IRAG1: variants seen among roughly 807,000 people sequenced by gnomAD.
IRAG1 encodes IP3R-associated cGMP kinase substrate.
In IRAG1, 62 loss-of-function variants were observed where a neutral mutation model predicts 106.2. The observed-to-expected ratio is 0.58, with a 90% CI of 0.48 to 0.72. The LOEUF is 0.72. IRAG1 is among the 30% of genes least tolerant of loss of function. The pLI is 0.00. For synonymous variants in IRAG1, 462 were observed against 443.9 expected (o/e 1.04, Z -0.51); for missense variants, 1,064 against 1,140.7 (o/e 0.93, Z 0.97).
chr11:10,677,637 A>T (rs982639009), intron 1 of IRAG1, among the ~76,000 whole-genome samples: 1 of 152,144 alleles, frequency 6.6e-6, no homozygotes, highest in African/African-American at 2.4e-5. Context: ...GTGACATATG[A>T]TGTATCATTT....
Position 10,606,788 on chromosome 11 carries a change from C to T in IRAG1, c.1572-16G>A. The T allele has an allele frequency of 6.3e-7, 1 of 1,576,866 alleles. No homozygotes were observed. The highest frequency in any genetic ancestry group is 8.6e-7 in the Non-Finnish European group (1 of 1,160,004). ...TGGAGGGGCACTGTGAAAAAGAAAA[C>T]ACACAATTGAACTGTGTGCAACCTA... On this transcript the variant is annotated splice_polypyrimidine_tract_variant and intron_variant, in intron 11 of 20. Coordinates refer to ENST00000423302, the MANE Select transcript of IRAG1 (RefSeq NM_130385.4).
At chr11:10,653,136 C>T (rs1858657292) in intron 1 of IRAG1, among the ~76,000 whole-genome samples, 1 of 152,198 alleles carries the variant, frequency 6.6e-6, no homozygotes, top group African/African-American at 2.4e-5. Flanking sequence ...CAGATGCTTT[C>T]TCCTGCTCTG....
Position 10,629,551 on chromosome 11 carries a change from T to C in IRAG1, c.561A>G (p.Gly187=). The C allele has an allele frequency of 6.2e-7, 1 of 1,613,482 alleles. No homozygotes were observed. The highest frequency in any genetic ancestry group is 8.5e-7 in the Non-Finnish European group (1 of 1,179,660). The part of the protein sequence containing the change: ...RRGRKSRSSP[G]DSPSAVSPNL... ...CTGCCACCCTACCTGATGGGGAGTC[T>C]CCGGGGCTGCTCCTGGACTTCCTCC... The change falls in exon 5 of 21, where the codon GGA becomes GGG. Residue 187 remains glycine (G), a synonymous_variant. Coordinates refer to ENST00000423302, the MANE Select transcript of IRAG1 (RefSeq NM_130385.4).
At chr11:10,690,931 G>A (rs1326630758) in intron 1 of IRAG1, among the ~76,000 whole-genome samples, 1 of 152,132 alleles carries the variant, frequency 6.6e-6, no homozygotes, top group African/African-American at 2.4e-5. Flanking sequence ...GCAGGGGCAG[G>A]GCCAGAGTCT....
At chr11:10,687,334 GA>G (rs1365635342) in intron 1 of IRAG1, among the ~76,000 whole-genome samples, 1 of 152,216 alleles carries the variant, frequency 6.6e-6, no homozygotes, top group Admixed American at 6.5e-5. Context: ...GTACCTGCAT[GA>G]ATAGCTCAGC....
At position 10,627,729 on chromosome 11, in the gene IRAG1, T is replaced by C. The variant is rs748007069; in HGVS notation, c.737A>G (p.His246Arg). The change falls in exon 8 of 21, where the codon CAC becomes CGC. Residue 246 changes from histidine (H) to arginine (R), a missense_variant. Coordinates refer to ENST00000423302, the MANE Select transcript of IRAG1 (RefSeq NM_130385.4). ...KGDEADVSSPHPGEPNVPKGL... is the reference protein window; with the variant it reads ...KGDEADVSSPRPGEPNVPKGL... Reference sequence around the variant, plus strand: ...GCTCAAACTCACAGGCTCGCCAGGGTGAGGTGAAGAGACGTCGGCCTCATC... The same window carrying C: ...GCTCAAACTCACAGGCTCGCCAGGGCGAGGTGAAGAGACGTCGGCCTCATC... 5 of 1,613,404 alleles carry C rather than the reference T, an allele frequency of 3.1e-6. No individual in the cohort carries two copies. The highest frequency in any genetic ancestry group is 1.6e-4 in the Middle Eastern group (1 of 6,062).
At position 10,656,598 on chromosome 11, in the gene IRAG1, G is replaced by A. The variant is rs531018081; in HGVS notation, c.68-4416C>T. Among the ~76,000 whole-genome samples, 41 of 152,278 alleles carry A rather than the reference G, an allele frequency of 2.7e-4. No individual in the cohort carries two copies. In the East Asian group the frequency reaches 3.3e-3, roughly 12 times the overall value. ...TTCATTCTTCAGCTACTTCTAAGTC[G>A]CCTACTGAGCATCGGACACTATGCT... On this transcript the variant is annotated intron_variant, in intron 1 of 20. Transcript: ENST00000423302.
At chr11:10,634,838 T>C (rs144412311) in intron 2 of IRAG1, among the ~76,000 whole-genome samples, 28 of 152,088 alleles carry the variant, frequency 1.8e-4, no homozygotes, top group Admixed American at 6.5e-4. Context: ...TTTTAATTCA[T>C]CCATTGACAG....
intron 1 of IRAG1, among the ~76,000 whole-genome samples, chr11:10,678,305 A>C (rs969463510): frequency 6.6e-6 from 1 of 152,206 alleles, no homozygotes; most frequent in Non-Finnish European, 1.5e-5. Flanking sequence ...TCACGCTGAG[A>C]GAGCCCAAGG....
chr11:10,577,655 T>C (rs376693966), intron 20 of IRAG1, among the ~76,000 whole-genome samples: 3 of 152,236 alleles, frequency 2.0e-5, no homozygotes, highest in African/African-American at 7.2e-5. Context: ...AGCCATTGGC[T>C]GAGAAGCGGA....
chr11:10,642,162 G>T (rs913050361), intron 2 of IRAG1, among the ~76,000 whole-genome samples: 1 of 152,194 alleles, frequency 6.6e-6, no homozygotes, highest in Non-Finnish European at 1.5e-5. Context: ...CTCCCTGGGG[G>T]TCCATTTCCC....
At position 10,604,627 on chromosome 11, in the gene IRAG1, C is replaced by G. The variant is rs1014804385; in HGVS notation, c.1603-82G>C. 2.8e-5 allele frequency: 42 copies of G among 1,523,654 alleles called. No individual in the cohort carries two copies. The South Asian group carries it at 4.4e-4, about 16-fold the overall frequency. The allele number at this position is 1,523,654 out of a possible 1,614,324, so 94.4% of individuals were successfully genotyped here. A position where few individuals can be genotyped will look rare whatever the true frequency, so the allele number is the denominator to read the frequency against. On this transcript the variant is annotated intron_variant, in intron 12 of 20. Coordinates refer to ENST00000423302, the MANE Select transcript of IRAG1 (RefSeq NM_130385.4). The stretch of plus-strand genomic sequence containing the variant: ...GCTGCAGCTGTGCTCCTTGCACGAG[C>G]GTTTTGCAACGGCCCCTGGAACAGC...
intron 16 of IRAG1, 144 bp downstream of exon 16, chr11:10,594,002 T>G (rs1323048578): frequency 5.3e-6 from 4 of 757,350 alleles, no homozygotes; most frequent in African/African-American, 1.8e-5. Flanking sequence ...GAGGCTAAAC[T>G]TGAGAGTGTG....
intron 1 of IRAG1, among the ~76,000 whole-genome samples, chr11:10,680,217 G>A (rs1019957910): frequency 6.9e-6 from 1 of 145,944 alleles, no homozygotes; most frequent in Non-Finnish European, 1.5e-5. Flanking sequence ...AGGTTGCAGT[G>A]AGCAGAGATT....
chr11:10,596,698 T>C (rs1175967444), intron 15 of IRAG1, among the ~76,000 whole-genome samples: 1 of 152,222 alleles, frequency 6.6e-6, no homozygotes, highest in Non-Finnish European at 1.5e-5. Context: ...ATCAATTTAT[T>C]TCTCTGAACT....
intron 20 of IRAG1, among the ~76,000 whole-genome samples, chr11:10,579,982 ACTGAG>A (rs1851227454): frequency 6.6e-6 from 1 of 152,206 alleles, no homozygotes; most frequent in Middle Eastern, 3.2e-3. Flanking sequence ...CACCTTTGCC[ACTGAG>A]CTGAGTTTGC....
At chr11:10,621,347 T>G (rs1855820274) in intron 10 of IRAG1, among the ~76,000 whole-genome samples, 1 of 152,196 alleles carries the variant, frequency 6.6e-6, no homozygotes, top group South Asian at 2.1e-4. Context: ...CCTGGACACA[T>G]TCACCCAAGA....
intron 12 of IRAG1, among the ~76,000 whole-genome samples, chr11:10,605,613 G>A (rs1294939588): frequency 6.6e-6 from 1 of 152,210 alleles, no homozygotes; most frequent in Non-Finnish European, 1.5e-5. Context: ...AACGGAGCCA[G>A]GATTTAACCT....
intron 1 of IRAG1, among the ~76,000 whole-genome samples, chr11:10,666,272 T>C (rs1163046386): frequency 1.3e-5 from 2 of 152,228 alleles, no homozygotes; most frequent in Non-Finnish European, 2.9e-5. Flanking sequence ...ACAACAGCCC[T>C]GCATGGTACG....
Sources: allele counts gnomAD v4.1 joint callset (sites outside exome capture counted in the v4.1 genomes callset), GRCh38; gene constraint gnomAD v4.1.1; transcripts MANE v1.5; gene names NCBI Gene and HGNC (gene_info 2026-07-23, HGNC 2026-07-21).